Variants in CDH17 observed in about 807,000 individuals in gnomAD.
The protein encoded by CDH17 is cadherin 17, also known as cadherin-17.
CDH17 carries 67 observed loss-of-function variants against 86.3 expected under a neutral mutation model. The ratio of observed to expected loss-of-function variants is 0.78; its 90% CI spans 0.64 to 0.95. The LOEUF (loss-of-function observed/expected upper bound fraction) is 0.95, where lower values mean the gene tolerates loss of function less well. Ranked by LOEUF, CDH17 falls within the 40% of genes least tolerant of loss-of-function variation. The pLI, the probability that CDH17 is intolerant of heterozygous loss-of-function variation, is 0.00. For missense variants in CDH17, 993 were observed against 1,017.6 expected (o/e 0.98, Z 0.33); for synonymous variants, 367 against 366.4 (o/e 1.00, Z -0.02).
intron 15 of CDH17, among the ~76,000 whole-genome samples, chr8:94,139,383 T>C (rs1223418846): frequency 1.3e-5 from 2 of 152,066 alleles, no homozygotes; most frequent in Admixed American, 1.3e-4. Context: ...AGAAAGATAG[T>C]GGAGAGAAAA....
At chr8:94,136,808 G>T (rs1277444451) in intron 15 of CDH17, among the ~76,000 whole-genome samples, 1 of 152,120 alleles carries the variant, frequency 6.6e-6, no homozygotes, top group African/African-American at 2.4e-5. Context: ...TTGGGGTTTT[G>T]GTGTAGATGT....
chr8:94,134,857 G>T (rs1208919182), intron 15 of CDH17, among the ~76,000 whole-genome samples: 1 of 152,130 alleles, frequency 6.6e-6, no homozygotes, highest in African/African-American at 2.4e-5. Context: ...CTGGTACGTT[G>T]TGTGTTTGTT....
intron 1 of CDH17, among the ~76,000 whole-genome samples, chr8:94,213,988 G>A (rs560821369): frequency 2.6e-5 from 4 of 152,070 alleles, no homozygotes; most frequent in Non-Finnish European, 5.9e-5. Flanking sequence ...CCATCTACTT[G>A]CCAACATCTC....
intron 3 of CDH17, among the ~76,000 whole-genome samples, chr8:94,185,144 T>C (rs183339985): frequency 1.3e-5 from 2 of 152,270 alleles, no homozygotes; most frequent in African/African-American, 4.8e-5. Flanking sequence ...AGTTTCCCCA[T>C]TTTTAAAACA....
At chr8:94,203,645 A>G (rs186698307) in intron 1 of CDH17, among the ~76,000 whole-genome samples, 150 of 152,364 alleles carry the variant, frequency 9.8e-4, no homozygotes, top group African/African-American at 2.8e-3. Flanking sequence ...AGAGAACCGC[A>G]GAAGCATCTG....
chr8:94,176,692 A>C lies in CDH17; in HGVS notation c.286-13T>G. On this transcript the variant is annotated splice_polypyrimidine_tract_variant and intron_variant, in intron 4 of 17. Coordinates refer to ENST00000027335, the MANE Select transcript of CDH17 (RefSeq NM_004063.4). ...CCAGGGCTGCAACCTGATGTTGAGG[A>C]AAAGGAAACCATGTTGGTGAGACTG... 6.2e-7 allele frequency: 1 copy of C among 1,606,454 alleles called. No homozygotes were observed. The highest frequency in any genetic ancestry group is 8.5e-7 in the Non-Finnish European group (1 of 1,177,084).
chr8:94,158,049 T>C (rs1479254477), intron 12 of CDH17, among the ~76,000 whole-genome samples: 1 of 152,086 alleles, frequency 6.6e-6, no homozygotes, highest in African/African-American at 2.4e-5. Flanking sequence ...GTTGAACAAA[T>C]CCACTTGCTC....
chr8:94,130,653 T>C lies in CDH17; in HGVS notation c.2371A>G (p.Ile791Val). The C allele has an allele frequency of 6.2e-7, 1 of 1,613,086 alleles. No individual in the cohort carries two copies. Residue 791 changes from isoleucine (I) to valine (V), a missense_variant, in exon 17 of 18, where the codon ATA (isoleucine) becomes GTA (valine). Coordinates refer to ENST00000027335, the MANE Select transcript of CDH17 (RefSeq NM_004063.4). Reference sequence around the variant, plus strand: ...ATCACCAGAAGGGTGGTCAGCAGTATACCAACTGCCATGCCCACAGTGGGT... The same window carrying C: ...ATCACCAGAAGGGTGGTCAGCAGTACACCAACTGCCATGCCCACAGTGGGT... The part of the protein sequence containing the change: ...GIPTVGMAVG[I>V]LLTTLLVIGI...
intron 9 of CDH17, among the ~76,000 whole-genome samples, chr8:94,168,108 A>AC: frequency 9.5e-5 from 1 of 10,474 alleles, no homozygotes; most frequent in Admixed American, 8.3e-4. Context: ...ATATATATAT[A>AC]TATATATATA....
chr8:94,159,384 T>A (rs80308366), intron 12 of CDH17, among the ~76,000 whole-genome samples: 3,411 of 152,236 alleles, frequency 0.022, 124 homozygotes, highest in African/African-American at 0.078. Context: ...AAAAAGACAC[T>A]TGTCTATTAA....
intron 3 of CDH17, among the ~76,000 whole-genome samples, chr8:94,179,560 TG>T (rs1230478806): frequency 6.6e-6 from 1 of 152,200 alleles, no homozygotes; most frequent in Non-Finnish European, 1.5e-5. Context: ...CCCTCACCTC[TG>T]GCTGACTTGG....
chr8:94,128,474 T>C, intron 17 of CDH17, 134 bp from the exon 18 acceptor site: 2 of 626,616 alleles, frequency 3.2e-6, no homozygotes, highest in South Asian at 2.0e-5. Flanking sequence ...AAAATTTCAC[T>C]GTCCTAGTGA....
chr8:94,197,557 G>A (rs1279188894), intron 1 of CDH17, among the ~76,000 whole-genome samples: 6 of 152,078 alleles, frequency 3.9e-5, no homozygotes, highest in Admixed American at 6.5e-5. Flanking sequence ...TCTTGGCCAG[G>A]CACGGTGGCT....
intron 1 of CDH17, among the ~76,000 whole-genome samples, chr8:94,200,059 A>T (rs1453658644): frequency 2.0e-5 from 3 of 152,194 alleles, no homozygotes; most frequent in African/African-American, 7.2e-5. Context: ...CTACACAGGA[A>T]CATCCTCACA....
rs369342885 is a variant in CDH17 at position 94,165,885 on chromosome 8, G to C, written c.1158C>G (p.Pro386=). The part of the protein sequence containing the change: ...FLNYRIVEQT[P]KLPMDGLFLI... ...GGAAGAGTCCATCCATGGGAAGTTTGGGAGTTTGCTCCACAATCCTGTAGT... is the reference window on the plus strand; with the variant it reads ...GGAAGAGTCCATCCATGGGAAGTTTCGGAGTTTGCTCCACAATCCTGTAGT... Residue 386 remains proline, a synonymous_variant, in exon 10 of 18, where the codon CCC becomes CCG. Coordinates refer to ENST00000027335, the MANE Select transcript of CDH17 (RefSeq NM_004063.4). 5.5e-5 allele frequency: 88 copies of C among 1,613,560 alleles called. No individual in the cohort carries two copies. Among genetic ancestry groups the C allele is most frequent in the Non-Finnish European group, 7.0e-5 (82 of 1,179,676 alleles).
At chr8:94,210,252 A>G (rs998475407), upstream of CDH17, among the ~76,000 whole-genome samples, 217 of 150,676 alleles carry the variant, frequency 1.4e-3, no homozygotes, top group Non-Finnish European at 2.3e-3. Flanking sequence ...AAAAAAAAAA[A>G]AAGTCCAAGG....
chr8:94,203,993 T>C (rs1813973721), intron 1 of CDH17, among the ~76,000 whole-genome samples: 1 of 152,294 alleles, frequency 6.6e-6, no homozygotes, highest in Admixed American at 6.5e-5. Flanking sequence ...GTTCTACCAA[T>C]AGGTTCATGA....
In CDH17 at chr8:94,176,651, A is replaced by G. The variant is rs1813380819; in HGVS notation, c.314T>C (p.Ile105Thr). 1 of 1,613,542 alleles carries G rather than the reference A, an allele frequency of 6.2e-7. No homozygotes were observed. Among genetic ancestry groups the G allele is most frequent in the South Asian group, 1.1e-5 (1 of 91,018 alleles). ...QVAALDANGIIVEGPVPITIK... is the reference protein window; with the variant it reads ...QVAALDANGITVEGPVPITIK... ...GGTGATAGGGACTGGACCCTCCACT[A>G]TAATTCCATTAGCGTCCAGGGCTGC... Residue 105 changes from isoleucine to threonine, a missense_variant, in exon 5 of 18, where the codon ATA becomes ACA. Coordinates refer to ENST00000027335, the MANE Select transcript of CDH17 (RefSeq NM_004063.4).
At chr8:94,143,408 G>A (rs1812675288) in intron 15 of CDH17, among the ~76,000 whole-genome samples, 1 of 152,202 alleles carries the variant, frequency 6.6e-6, no homozygotes, top group African/African-American at 2.4e-5. Context: ...AGTAGATTTA[G>A]CATAATTCTT....
Sources: allele counts gnomAD v4.1 joint callset (sites outside exome capture counted in the v4.1 genomes callset), GRCh38; gene constraint gnomAD v4.1.1; transcripts MANE v1.5; gene names NCBI Gene and HGNC (gene_info 2026-07-23, HGNC 2026-07-21).